Variants in THAP10 observed in about 807,000 individuals in gnomAD.
THAP10 encodes the protein THAP domain-containing protein 10.
Under a neutral mutation model 15.7 loss-of-function variants are expected in THAP10, and 10 were observed. The observed-to-expected ratio is 0.64, with a 90% CI of 0.39 to 1.08. THAP10 has a LOEUF of 1.08. Ranked by LOEUF, THAP10 falls within the 50% of genes least tolerant of loss-of-function variation. The probability of loss-of-function intolerance (pLI) is 0.01; values close to 1 mark genes in which losing one functional copy is unlikely to be tolerated. For missense variants in THAP10, 310 were observed against 330.9 expected, an observed-to-expected ratio of 0.94 and a Z score of 0.49; for synonymous variants, 127 against 129.1, an observed-to-expected ratio of 0.98 and a Z score of 0.11.
chr15:70,891,567 C>CTGTGTGTGTGTGTGTGTGTGTGTGTG (rs3220843), intron 1 of THAP10, among the ~76,000 whole-genome samples: 2 of 137,050 alleles, frequency 1.5e-5, no homozygotes, highest in Admixed American at 1.5e-4. Flanking sequence ...GGACAAGACT[C>CTGTGTGTGTGTGTGTGTGTGTGTGTG]TGTGTGTGTG....
At chr15:70,889,756 T>C (rs1018133076) in intron 1 of THAP10, among the ~76,000 whole-genome samples, 12 of 152,166 alleles carry the variant, frequency 7.9e-5, no homozygotes, top group African/African-American at 2.4e-5. Context: ...GTGTCTACAA[T>C]AGCTCTTCAA....
chr15:70,892,414 G>A lies in THAP10; in HGVS notation c.-142C>T. 1 of 1,539,122 alleles carries A rather than the reference G, an allele frequency of 6.5e-7. No homozygotes were observed. The highest frequency in any genetic ancestry group is 8.7e-7 in the Non-Finnish European group (1 of 1,146,464). On this transcript the variant is annotated 5_prime_UTR_variant, in exon 1 of 3. Coordinates refer to ENST00000249861, the MANE Select transcript of THAP10 (RefSeq NM_020147.4). ...GGGATTGTTTCCTTCCCTACCTCTG[G>A]TCACCGGAAGTGGCGATCTGGGGCC... is the stretch of plus-strand genomic sequence containing the variant.
intron 1 of THAP10, 49 bp from the exon 2 acceptor site, chr15:70,882,957 A>G (rs1528828): frequency 1 from 1,591,548 of 1,596,116 alleles, 793,609 homozygotes; most frequent in East Asian, 1. Flanking sequence ...ACCTTATAGG[A>G]TTTTATCTTT....
rs1218966236 is a variant in THAP10 at position 70,882,285 on chromosome 15, C to T, written c.*169G>A. 3 of 575,966 alleles carry T rather than the reference C, an allele frequency of 5.2e-6. No homozygotes were observed. The African/African-American group carries it at 5.6e-5, about 11-fold the overall frequency. The allele number at this position is 575,966 out of a possible 1,614,324, so 35.7% of individuals were successfully genotyped here. A position where few individuals can be genotyped will look rare whatever the true frequency, so the allele number is the denominator to read the frequency against. On this transcript the variant is annotated 3_prime_UTR_variant, in exon 3 of 3. Coordinates refer to ENST00000249861, the MANE Select transcript of THAP10 (RefSeq NM_020147.4). ...AGGGATGTTTGTGGGTAGGTATTAT[C>T]TTCATTGTGTTGGCAAGCAAGCAAA...
In THAP10 at chr15:70,890,719, T is replaced by G. The variant is rs374897176; in HGVS notation, c.429+1125A>C. Among the ~76,000 whole-genome samples the G allele has an allele frequency of 4.7e-4, 71 of 152,244 alleles. 2 individuals are homozygous for G. The South Asian group carries it at 0.011, about 24-fold the overall frequency. ...GATTTTTAAGGGAAAAAGACTTAAT[T>G]GGCAATGATGGGAGTGGGAGGGGCA... On this transcript the variant is annotated intron_variant, in intron 1 of 2. Transcript: ENST00000249861.
chr15:70,882,813 T>G lies in THAP10; in HGVS notation c.525A>C (p.Pro175=). 1.2e-6 allele frequency: 2 copies of G among 1,614,224 alleles called. No homozygotes were observed. Among genetic ancestry groups the G allele is most frequent in the Non-Finnish European group, 1.7e-6 (2 of 1,180,030 alleles). Reference sequence around the variant, plus strand: ...AAGAAATTTGTGTACTTTTATGCACTGGGCCTTCTTCACAGTGAGTAGGTA... The same window carrying G: ...AAGAAATTTGTGTACTTTTATGCACGGGGCCTTCTTCACAGTGAGTAGGTA... ...TSVPTHCEEG[P]VHKSTQISLK... is the part of the protein sequence containing the mutation. The change falls in exon 2 of 3, where the codon CCA becomes CCC. Residue 175 remains proline (P), a synonymous_variant. Coordinates refer to ENST00000249861, the MANE Select transcript of THAP10 (RefSeq NM_020147.4).
At position 70,882,742 on chromosome 15, in the gene THAP10, T is replaced by C. The variant is rs752468296; in HGVS notation, c.577+19A>G. The C allele has an allele frequency of 3.1e-6, 5 of 1,613,974 alleles. No individual in the cohort carries two copies. The highest frequency in any genetic ancestry group is 2.5e-6 in the Non-Finnish European group (3 of 1,179,948). On this transcript the variant is annotated intron_variant, in intron 2 of 2. Transcript: ENST00000249861. Reference sequence around the variant, plus strand: ...AAGATCAATTCAATTGCTTAATCCATTGAAGAGTCAAAACATACCCACACT... The same window carrying C: ...AAGATCAATTCAATTGCTTAATCCACTGAAGAGTCAAAACATACCCACACT...
chr15:70,885,310 A>G (rs925224169), intron 1 of THAP10, among the ~76,000 whole-genome samples: 2 of 152,208 alleles, frequency 1.3e-5, no homozygotes, highest in Non-Finnish European at 2.9e-5. Flanking sequence ...CAGACGCAAT[A>G]TTTGAACAAA....
intron 1 of THAP10, among the ~76,000 whole-genome samples, chr15:70,888,196 C>T (rs1304600926): frequency 6.6e-6 from 1 of 152,088 alleles, no homozygotes; most frequent in Non-Finnish European, 1.5e-5. Flanking sequence ...TGAAATGTAT[C>T]TAGAAATCTA....
At chr15:70,889,049 T>C (rs985677187) in intron 1 of THAP10, among the ~76,000 whole-genome samples, 2 of 152,186 alleles carry the variant, frequency 1.3e-5, no homozygotes, top group Non-Finnish European at 2.9e-5. Context: ...TATTATCTAC[T>C]GAAGTTTAAT....
intron 1 of THAP10, among the ~76,000 whole-genome samples, 197 bp from the exon 2 acceptor site, chr15:70,883,105 T>C (rs935035354): frequency 5.3e-5 from 8 of 152,352 alleles, no homozygotes; most frequent in Middle Eastern, 3.4e-3. Flanking sequence ...TTTCCACTTA[T>C]AAATCATGAA....
At chr15:70,887,811 C>A (rs2033450920) in intron 1 of THAP10, among the ~76,000 whole-genome samples, 2 of 152,040 alleles carry the variant, frequency 1.3e-5, no homozygotes, top group Non-Finnish European at 2.9e-5. Context: ...TATTTTTGTA[C>A]ATGTATAAAA....
intron 1 of THAP10, among the ~76,000 whole-genome samples, chr15:70,890,245 G>C (rs2033517711): frequency 6.6e-6 from 1 of 152,002 alleles, no homozygotes; most frequent in Non-Finnish European, 1.5e-5. Flanking sequence ...TATCTCTCTT[G>C]CTACACACAT....
chr15:70,887,904 T>C (rs1427713442), intron 1 of THAP10, among the ~76,000 whole-genome samples: 2 of 152,188 alleles, frequency 1.3e-5, no homozygotes, highest in Non-Finnish European at 2.9e-5. Flanking sequence ...AATTAATTTA[T>C]CAATATGCAC....
chr15:70,888,288 T>C (rs145793879), intron 1 of THAP10, among the ~76,000 whole-genome samples: 70 of 152,256 alleles, frequency 4.6e-4, no homozygotes, highest in African/African-American at 1.6e-3. Flanking sequence ...AATAAAGCTA[T>C]ATAAGACACT....
At chr15:70,887,766 T>TA (rs1203183646) in intron 1 of THAP10, among the ~76,000 whole-genome samples, 1 of 152,094 alleles carries the variant, frequency 6.6e-6, no homozygotes, top group Admixed American at 6.5e-5. Context: ...GAATACGAAA[T>TA]AAAAACACGA....
Position 70,890,745 on chromosome 15 carries a change from T to C in THAP10, c.429+1099A>G, listed in dbSNP as rs1378831515. Among the ~76,000 whole-genome samples the C allele has an allele frequency of 3.3e-5, 5 of 152,188 alleles. No homozygotes were observed. The East Asian group carries it at 9.6e-4, about 29-fold the overall frequency. ...GGCAATGATGGGAGTGGGAGGGGCA[T>C]AGTTCCAGGATATTATAATACATGC... On this transcript the variant is annotated intron_variant, in intron 1 of 2. Coordinates refer to ENST00000249861, the MANE Select transcript of THAP10 (RefSeq NM_020147.4).
At position 70,882,500 on chromosome 15, in the gene THAP10, C is replaced by T. The variant is rs917770502; in HGVS notation, c.728G>A (p.Ser243Asn). Residue 243 changes from serine to asparagine, a missense_variant, in exon 3 of 3, where the codon AGT becomes AAT. Ser to Asn is a conservative substitution (Grantham distance 46). Transcript: ENST00000249861. ...CTGTACAGCCATATAAGACAAATCA[C>T]TCTGTTCACTCTTGATATCCCAGTC... The part of the protein sequence containing the change: ...DTDWDIKSEQ[S>N]DLSYMAVQVK... 1 of 1,613,638 alleles carries T rather than the reference C, an allele frequency of 6.2e-7. No individual in the cohort carries two copies. Among genetic ancestry groups the T allele is most frequent in the Non-Finnish European group, 8.5e-7 (1 of 1,179,940 alleles).
In THAP10 at chr15:70,882,811, A is replaced by T. The variant is rs753423117; in HGVS notation, c.527T>A (p.Val176Glu). 5 of 1,614,214 alleles carry T rather than the reference A, an allele frequency of 3.1e-6. No individual in the cohort carries two copies. Among genetic ancestry groups the T allele is most frequent in the Non-Finnish European group, 4.2e-6 (5 of 1,180,032 alleles). ...CAAAGAAATTTGTGTACTTTTATGC[A>T]CTGGGCCTTCTTCACAGTGAGTAGG... ...SVPTHCEEGP[V>E]HKSTQISLKR... Residue 176 changes from valine to glutamate, a missense_variant, in exon 2 of 3, where the codon GTG (valine) becomes GAG (glutamate). Val to Glu is a moderately radical substitution (Grantham distance 121). Transcript: ENST00000249861.
Sources: allele counts gnomAD v4.1 joint callset (sites outside exome capture counted in the v4.1 genomes callset), GRCh38; gene constraint gnomAD v4.1.1; transcripts MANE v1.5; gene names NCBI Gene and HGNC (gene_info 2026-07-23, HGNC 2026-07-21).